SPATA6L: variants seen among roughly 807,000 people sequenced by gnomAD.
SPATA6L encodes spermatogenesis associated 6-like protein.
Under a neutral mutation model 49.2 loss-of-function variants are expected in SPATA6L, and 68 were observed. That is an observed-to-expected ratio of 1.38 (90% CI 1.14 to 1.69). The LOEUF is 1.69. Ranked by LOEUF, SPATA6L falls within the 40% of genes most tolerant of loss-of-function variation. The pLI, the probability that SPATA6L is intolerant of heterozygous loss-of-function variation, is 0.00. For missense variants in SPATA6L, 668 were observed against 464.3 expected, an observed-to-expected ratio of 1.44 and a Z score of -4.03; for synonymous variants, 198 against 165.7, an observed-to-expected ratio of 1.19 and a Z score of -1.50.
chr9:4,664,134 T>C (rs546855389), intron 1 of SPATA6L: 1 of 167,138 alleles, frequency 6.0e-6, no homozygotes, highest in African/African-American at 2.4e-5. Context: ...GCAGAGAAAC[T>C]AAGTTGCTGG....
intron 9 of SPATA6L, among the ~76,000 whole-genome samples, chr9:4,606,041 A>T (rs1824807274): frequency 6.6e-6 from 1 of 150,978 alleles, no homozygotes. Context: ...AGTCAAAGAA[A>T]GGGGTGACAG....
At chr9:4,605,188 T>C (rs1284930499) in intron 10 of SPATA6L, among the ~76,000 whole-genome samples, 159 bp downstream of exon 10, 2 of 152,158 alleles carry the variant, frequency 1.3e-5, no homozygotes, top group African/African-American at 4.8e-5. Context: ...CCCGCTACCA[T>C]TCAATCTCAG....
downstream of SPATA6L, among the ~76,000 whole-genome samples, chr9:4,597,830 C>A (rs749520447): frequency 1.3e-5 from 2 of 152,158 alleles, no homozygotes; most frequent in Non-Finnish European, 1.5e-5. Flanking sequence ...CTAGTGGGTT[C>A]TCTGGTCACA....
intron 3 of SPATA6L, among the ~76,000 whole-genome samples, chr9:4,642,605 G>A (rs1410310737): frequency 6.6e-6 from 1 of 152,204 alleles, no homozygotes; most frequent in African/African-American, 2.4e-5. Flanking sequence ...GATATCCACA[G>A]CAGGCAGGAC....
intron 9 of SPATA6L, among the ~76,000 whole-genome samples, chr9:4,608,832 C>T (rs1483115482): frequency 6.6e-6 from 1 of 151,968 alleles, no homozygotes; most frequent in Non-Finnish European, 1.5e-5. Context: ...ACAAAAAACC[C>T]TTCAAAAAAT....
At chr9:4,593,248 G>A (rs1253415472) in intron 13 of SPATA6L, among the ~76,000 whole-genome samples, 1 of 152,118 alleles carries the variant, frequency 6.6e-6, no homozygotes, top group African/African-American at 2.4e-5. Context: ...TTCTAATCAT[G>A]ACATTTTATT....
At chr9:4,642,475 C>A (rs771843153) in intron 3 of SPATA6L, among the ~76,000 whole-genome samples, 1 of 152,102 alleles carries the variant, frequency 6.6e-6, no homozygotes, top group Non-Finnish European at 1.5e-5. Context: ...CTTAAATTCA[C>A]AGAGTGGGGT....
Position 4,658,342 on chromosome 9 carries a change from T to C in SPATA6L, c.178-2253A>G, listed in dbSNP as rs537904749. 3.7e-4 allele frequency among the ~76,000 whole-genome samples: 57 copies of C among 152,322 alleles called. 1 individual carries two copies. Among genetic ancestry groups the C allele is most frequent in the African/African-American group, 1.2e-3 (49 of 41,564 alleles). Reference sequence around the variant, plus strand: ...CCCAAATGCTTCAGAAAATTCCATTTTGAATTACACAGAAGATCCGAGGAA... The same window carrying C: ...CCCAAATGCTTCAGAAAATTCCATTCTGAATTACACAGAAGATCCGAGGAA... On this transcript the variant is annotated intron_variant, in intron 2 of 11. Coordinates refer to ENST00000682582, the MANE Select transcript of SPATA6L (RefSeq NM_001353486.2).
chr9:4,665,741 T>C (rs1840763762), intron 1 of SPATA6L, among the ~76,000 whole-genome samples: 1 of 152,220 alleles, frequency 6.6e-6, no homozygotes, highest in African/African-American at 2.4e-5. Flanking sequence ...GATTTCCCTT[T>C]TGGAATTAGC....
At position 4,662,501 on chromosome 9, in the gene SPATA6L, C is replaced by T; in HGVS notation, c.40-465G>A. 1.3e-6 allele frequency: 2 copies of T among 1,559,184 alleles called. No individual in the cohort carries two copies. The highest frequency in any genetic ancestry group is 1.7e-6 in the Non-Finnish European group (2 of 1,161,958). On this transcript the variant is annotated intron_variant, in intron 1 of 11. Coordinates refer to ENST00000682582, the MANE Select transcript of SPATA6L (RefSeq NM_001353486.2). This position sits in a 1 kb window ranked among gnomAD's most constrained non-coding sequence, Gnocchi z 4.9. ...GCGGCAGCAGGTTTGAGTTCCAGTC[C>T]CTGCTCAGCAGCCGCGCCACGGCCG...
intron 7 of SPATA6L, among the ~76,000 whole-genome samples, chr9:4,621,592 G>A (rs1366063003): frequency 6.6e-6 from 1 of 151,888 alleles, no homozygotes; most frequent in Non-Finnish European, 1.5e-5. Flanking sequence ...GGGTTCAAGC[G>A]ATTCTCCTGC....
rs117349785 is a variant in SPATA6L at position 4,600,311 on chromosome 9, C to T, written c.*500G>A. Among the ~76,000 whole-genome samples the T allele has an allele frequency of 0.016, 2,511 of 152,208 alleles. 35 individuals are homozygous for T. Among genetic ancestry groups the T allele is most frequent in the Middle Eastern group, 0.048 (14 of 294 alleles). On this transcript the variant is annotated 3_prime_UTR_variant, in exon 12 of 12. Transcript: ENST00000682582. The stretch of plus-strand genomic sequence containing the variant: ...TTTCCAAGGTTTTTAGTGGACTTCA[C>T]GTAAATCAAGCCTAACACTAAGAAA...
intron 11 of SPATA6L, among the ~76,000 whole-genome samples, chr9:4,602,424 C>T (rs1823567952): frequency 6.6e-6 from 1 of 152,154 alleles, no homozygotes; most frequent in Non-Finnish European, 1.5e-5. Flanking sequence ...CTGAGCTGTC[C>T]TGCACATTCC....
intron 4 of SPATA6L, among the ~76,000 whole-genome samples, chr9:4,631,136 G>A (rs931568599): frequency 2.6e-5 from 4 of 152,140 alleles, no homozygotes; most frequent in Admixed American, 6.5e-5. Context: ...AGACAATAAA[G>A]AAGAATGTAT....
intron 2 of SPATA6L, 141 bp from the exon 3 acceptor site, chr9:4,656,230 G>A (rs1838147445): frequency 1.6e-6 from 1 of 630,226 alleles, no homozygotes; most frequent in South Asian, 1.9e-5. Flanking sequence ...CTTAAGCTCA[G>A]GAGTTTCAGA....
At chr9:4,607,010 G>A (rs1392642382) in intron 9 of SPATA6L, among the ~76,000 whole-genome samples, 7 of 148,770 alleles carry the variant, frequency 4.7e-5, no homozygotes, top group Non-Finnish European at 1.0e-4. Context: ...GAAGCCTCAG[G>A]AGCCGATGCA....
chr9:4,592,758 G>A (rs1050591629), intron 13 of SPATA6L, among the ~76,000 whole-genome samples: 6 of 152,142 alleles, frequency 3.9e-5, no homozygotes, highest in African/African-American at 7.2e-5. Context: ...TAGCTCTTAC[G>A]TTGTGTTCTT....
intron 10 of SPATA6L, among the ~76,000 whole-genome samples, chr9:4,605,085 T>C (rs1824401744): frequency 6.6e-6 from 1 of 152,122 alleles, no homozygotes; most frequent in Non-Finnish European, 1.5e-5. Flanking sequence ...TGATGAGTGC[T>C]GTGCACCAAA....
intron 3 of SPATA6L, among the ~76,000 whole-genome samples, chr9:4,645,008 G>GTGGC (rs1420506288): frequency 6.6e-6 from 1 of 152,206 alleles, no homozygotes; most frequent in Non-Finnish European, 1.5e-5. Context: ...TTCTGCAAAA[G>GTGGC]TGGCTATAAA....
Sources: allele counts gnomAD v4.1 joint callset (sites outside exome capture counted in the v4.1 genomes callset), GRCh38; gene constraint gnomAD v4.1.1; non-coding constraint Gnocchi (gnomAD v3.1); transcripts MANE v1.5; gene names NCBI Gene and HGNC (gene_info 2026-07-23, HGNC 2026-07-21).